The following C9 variants were observed in gnomAD, a reference collection of about 807,000 sequenced individuals.
C9 encodes the protein complement component C9.
C9 carries 63 observed loss-of-function variants against 65.4 expected under a neutral mutation model. The observed-to-expected ratio is 0.96, with a 90% CI of 0.79 to 1.19. The LOEUF is 1.19. Among genes scored for constraint, C9 ranks in the 50% most tolerant of loss-of-function variants. C9 has a pLI of 0.00. For missense variants in C9, 744 were observed against 670.1 expected (o/e 1.11, Z -1.22); for synonymous variants, 229 against 227.9 (o/e 1.00, Z -0.04).
In C9 at chr5:39,303,864, T is replaced by C. The variant is rs77868508; in HGVS notation, c.1416+2753A>G. ...GTCCTAGTCTCAGTGAGTGTGGGTG[T>C]GTGGAGTTTGCCTTGTGTTGAGACG... On this transcript the variant is annotated intron_variant, in intron 9 of 10. Transcript: ENST00000263408. 3.9e-3 allele frequency among the ~76,000 whole-genome samples: 595 copies of C among 152,198 alleles called. 4 individuals are homozygous for C. Among genetic ancestry groups the C allele is most frequent in the African/African-American group, 0.014 (577 of 41,544 alleles).
intron 4 of C9, 96 bp downstream of exon 4, chr5:39,341,042 ACCTATGTC>A: frequency 2.4e-6 from 3 of 1,243,794 alleles, no homozygotes; most frequent in Non-Finnish European, 2.4e-6. Flanking sequence ...CAGCTGTATC[ACCTATGTC>A]CCTCGCACAA....
In C9 at chr5:39,331,823, G is replaced by A. The variant is rs2111929867; in HGVS notation, c.477-9C>T. 1.9e-6 allele frequency: 3 copies of A among 1,612,174 alleles called. No homozygotes were observed. Among genetic ancestry groups the A allele is most frequent in the Non-Finnish European group, 2.5e-6 (3 of 1,178,264 alleles). On this transcript the variant is annotated splice_polypyrimidine_tract_variant and intron_variant, in intron 4 of 10. Transcript: ENST00000263408. ...TCCCTAAAATGTTGATCCTGAGAAT[G>A]AACAGAGTAGTATCAGAAGTGGAAA...
At chr5:39,303,806 T>G (rs1338472120) in intron 9 of C9, among the ~76,000 whole-genome samples, 2 of 151,990 alleles carry the variant, frequency 1.3e-5, no homozygotes, top group Non-Finnish European at 2.9e-5. Flanking sequence ...ATCCCAAAGA[T>G]AGTCATGCTA....
chr5:39,298,212 A>T (rs1174786907), intron 9 of C9, among the ~76,000 whole-genome samples: 1 of 151,826 alleles, frequency 6.6e-6, no homozygotes, highest in African/African-American at 2.4e-5. Context: ...ATATTAGACA[A>T]GAAAAAAATA....
chr5:39,321,023 C>G (rs1415333491), intron 5 of C9, among the ~76,000 whole-genome samples: 1 of 151,860 alleles, frequency 6.6e-6, no homozygotes, highest in Non-Finnish European at 1.5e-5. Context: ...ATAAGAAATG[C>G]TAAAGGGAGT....
chr5:39,310,184 G>A (rs1753455051), intron 7 of C9, among the ~76,000 whole-genome samples: 1 of 152,064 alleles, frequency 6.6e-6, no homozygotes, highest in African/African-American at 2.4e-5. Context: ...CTGACCTTGG[G>A]GAGAATATCA....
intron 5 of C9, among the ~76,000 whole-genome samples, chr5:39,329,800 A>G (rs1753811734): frequency 1.3e-5 from 2 of 152,234 alleles, no homozygotes; most frequent in Admixed American, 1.3e-4. Context: ...CTACTGATAC[A>G]CATGAGAAAG....
intron 5 of C9, among the ~76,000 whole-genome samples, chr5:39,327,487 G>A (rs1383805918): frequency 6.6e-6 from 1 of 152,158 alleles, no homozygotes; most frequent in African/African-American, 2.4e-5. Flanking sequence ...TGAGGGAAAT[G>A]AGTCTGTAAA....
At chr5:39,333,949 T>TCTCGG (rs1425419658) in intron 4 of C9, among the ~76,000 whole-genome samples, 1 of 152,162 alleles carries the variant, frequency 6.6e-6, no homozygotes, top group Non-Finnish European at 1.5e-5. Context: ...AGTGGCGTGA[T>TCTCGG]CTCGGCTCGC....
chr5:39,319,737 A>G (rs994180299), intron 5 of C9, among the ~76,000 whole-genome samples: 1 of 152,176 alleles, frequency 6.6e-6, no homozygotes, highest in African/African-American at 2.4e-5. Context: ...CCCAGGCTCC[A>G]GGCCAGCCTT....
chr5:39,358,018 G>A (rs538017868), intron 1 of C9, among the ~76,000 whole-genome samples: 231 of 152,264 alleles, frequency 1.5e-3, no homozygotes, highest in African/African-American at 4.8e-3. Context: ...CTCCCCAGCT[G>A]ATTGAGTCTT....
At chr5:39,309,962 C>T (rs1030721731) in intron 7 of C9, among the ~76,000 whole-genome samples, 5 of 152,120 alleles carry the variant, frequency 3.3e-5, no homozygotes, top group Non-Finnish European at 5.9e-5. Flanking sequence ...CTCTTGTACC[C>T]TTCCCTTACG....
At chr5:39,363,980 G>C (rs912900175) in intron 1 of C9, among the ~76,000 whole-genome samples, 1 of 152,130 alleles carries the variant, frequency 6.6e-6, no homozygotes, top group Non-Finnish European at 1.5e-5. Flanking sequence ...GAGGCAAAAG[G>C]GTGATGTATC....
At chr5:39,316,096 G>T in intron 5 of C9, 67 bp from the exon 6 acceptor site, 1 of 1,323,510 alleles carries the variant, frequency 7.6e-7, no homozygotes, top group Non-Finnish European at 1.1e-6. Context: ...AAGCAGAACA[G>T]AACCAAAGAG....
chr5:39,314,703 G>C (rs1016605767), intron 6 of C9, among the ~76,000 whole-genome samples: 1 of 151,858 alleles, frequency 6.6e-6, no homozygotes, highest in Non-Finnish European at 1.5e-5. Flanking sequence ...TTACTCTTTG[G>C]CTATCTCCTC....
chr5:39,325,476 C>T (rs1003387754), intron 5 of C9, among the ~76,000 whole-genome samples: 4 of 152,108 alleles, frequency 2.6e-5, no homozygotes, highest in African/African-American at 9.7e-5. Flanking sequence ...CTCAGGCACC[C>T]TCAAGAATGC....
rs1754245051 is a variant in C9 at position 39,348,111 on chromosome 5, C to T, written c.78-5915G>A. ...ATACCATTCAGGACATAGGCATGGG[C>T]AAGGACTTCATGTCTAAAACACCAA... On this transcript the variant is annotated intron_variant, in intron 1 of 10. Transcript: ENST00000263408. 4.6e-5 allele frequency among the ~76,000 whole-genome samples: 7 copies of T among 152,162 alleles called. No homozygotes were observed. In the South Asian group the frequency reaches 1.0e-3, roughly 23 times the overall value.
intron 2 of C9, 71 bp downstream of exon 2, chr5:39,342,020 A>G: frequency 4.4e-6 from 4 of 912,580 alleles, no homozygotes; most frequent in Non-Finnish European, 3.7e-6. Context: ...CCTCATAATC[A>G]TTTTTCTGGA....
chr5:39,289,035 C>T (rs890698850), intron 9 of C9, 84 bp from the exon 10 acceptor site: 2 of 778,632 alleles, frequency 2.6e-6, no homozygotes, highest in Non-Finnish European at 4.6e-6. Context: ...TATTCATTCA[C>T]TGATTCATTA....
Sources: allele counts gnomAD v4.1 joint callset (sites outside exome capture counted in the v4.1 genomes callset), GRCh38; gene constraint gnomAD v4.1.1; transcripts MANE v1.5; gene names NCBI Gene and HGNC (gene_info 2026-07-23, HGNC 2026-07-21).